EPHA6: variants seen among roughly 807,000 people sequenced by gnomAD.
The protein encoded by EPHA6 is EPH receptor A6.
In EPHA6, 50 loss-of-function variants were observed where a neutral mutation model predicts 112.0. The observed-to-expected ratio is 0.45, with a 90% CI of 0.36 to 0.56. EPHA6 has a LOEUF of 0.56. Among genes scored for constraint, EPHA6 ranks in the 20% least tolerant of loss-of-function variants. EPHA6 has a pLI of 0.00. For missense variants in EPHA6, 1,280 were observed against 1,417.4 expected, an observed-to-expected ratio of 0.90 and a Z score of 1.56; for synonymous variants, 529 against 490.7, an observed-to-expected ratio of 1.08 and a Z score of -1.03.
chr3:97,548,342 G>T (rs2092985726), intron 11 of EPHA6, among the ~76,000 whole-genome samples: 1 of 152,178 alleles, frequency 6.6e-6, no homozygotes, highest in Non-Finnish European at 1.5e-5. Context: ...TATTCGTGAG[G>T]ATGTTAGCAT....
At chr3:97,170,387 T>A (rs765469622) in intron 3 of EPHA6, among the ~76,000 whole-genome samples, 3 of 152,094 alleles carry the variant, frequency 2.0e-5, no homozygotes, top group Admixed American at 1.3e-4. Context: ...TGAGCCATGA[T>A]GAATGTGAAA....
At chr3:96,917,805 C>T (rs372076853) in intron 2 of EPHA6, among the ~76,000 whole-genome samples, 1 of 152,076 alleles carries the variant, frequency 6.6e-6, no homozygotes, top group African/African-American at 2.4e-5. Flanking sequence ...TGACAGCCTC[C>T]CCGGGTGAGA....
At position 97,481,223 on chromosome 3, in the gene EPHA6, A is replaced by G. The variant is rs543465758; in HGVS notation, c.2074+1859A>G. The G allele has an allele frequency of 7.6e-4, 1,006 of 1,320,518 alleles. 4 individuals are homozygous for G. In the African/African-American group the frequency reaches 0.013, roughly 16 times the overall value. 81.8% of individuals were successfully genotyped at this position (1,320,518 alleles called of 1,614,324 possible). A position where few individuals can be genotyped will look rare whatever the true frequency, so the allele number is the denominator to read the frequency against. On this transcript the variant is annotated intron_variant, in intron 9 of 17. Transcript: ENST00000389672. Reference sequence around the variant, plus strand: ...ACTGGAAAAGACAACCTTTTTCTCCATTACTATTTGGACTTTTAGATCACG... The same window carrying G: ...ACTGGAAAAGACAACCTTTTTCTCCGTTACTATTTGGACTTTTAGATCACG...
intron 3 of EPHA6, among the ~76,000 whole-genome samples, chr3:97,090,808 A>G (rs1168732312): frequency 6.6e-6 from 1 of 152,060 alleles, no homozygotes; most frequent in East Asian, 1.9e-4. Flanking sequence ...ATTTCTAGAA[A>G]CTTAGAGAGT....
At chr3:97,512,824 G>A (rs937161970) in intron 10 of EPHA6, among the ~76,000 whole-genome samples, 2 of 152,100 alleles carry the variant, frequency 1.3e-5, no homozygotes, top group Admixed American at 6.6e-5. Context: ...CTCGGCCTCC[G>A]AAAGTGCTGG....
intron 1 of EPHA6, among the ~76,000 whole-genome samples, chr3:96,840,729 T>G (rs2107321175): frequency 6.6e-6 from 1 of 152,090 alleles, no homozygotes; most frequent in Admixed American, 6.6e-5. Context: ...TACCGGCCGG[T>G]GTCTTGAGGT....
At chr3:97,073,962 TA>T (rs764307336) in intron 3 of EPHA6, among the ~76,000 whole-genome samples, 16 of 152,210 alleles carry the variant, frequency 1.1e-4, no homozygotes, top group East Asian at 5.8e-4. Flanking sequence ...ATTGGCCATT[TA>T]TTTTTTTAAT....
At chr3:96,836,901 C>T (rs2034448802) in intron 1 of EPHA6, among the ~76,000 whole-genome samples, 1 of 152,164 alleles carries the variant, frequency 6.6e-6, no homozygotes, top group South Asian at 2.1e-4. Flanking sequence ...ACTTAATCCT[C>T]CTTTCACCCC....
At chr3:97,255,646 A>G (rs2079287125) in intron 5 of EPHA6, among the ~76,000 whole-genome samples, 1 of 152,186 alleles carries the variant, frequency 6.6e-6, no homozygotes, top group Non-Finnish European at 1.5e-5. Flanking sequence ...AAAACATACA[A>G]CACATTTTGA....
Position 97,477,250 on chromosome 3 carries a change from C to A in EPHA6, c.2003+1790C>A, listed in dbSNP as rs909706457. ...AACACTGCAGCTTATCAAACATGGC[C>A]TACAAAAACTTGAATCACTAGCCAG... On this transcript the variant is annotated intron_variant, in intron 8 of 17. Coordinates refer to ENST00000389672, the MANE Select transcript of EPHA6 (RefSeq NM_001080448.3). Among the ~76,000 whole-genome samples, 9 of 152,002 alleles carry A rather than the reference C, an allele frequency of 5.9e-5. 1 individual carries two copies. Among genetic ancestry groups the A allele is most frequent in the African/African-American group, 2.2e-4 (9 of 41,394 alleles).
At chr3:96,958,519 T>C (rs1158349475) in intron 2 of EPHA6, among the ~76,000 whole-genome samples, 1 of 152,194 alleles carries the variant, frequency 6.6e-6, no homozygotes, top group African/African-American at 2.4e-5. Context: ...TAATATTGAT[T>C]ACAATAATAG....
chr3:97,128,329 C>T (rs1359384849), intron 3 of EPHA6, among the ~76,000 whole-genome samples: 1 of 152,284 alleles, frequency 6.6e-6, no homozygotes, highest in African/African-American at 2.4e-5. Flanking sequence ...ATGCCAGTGT[C>T]TTTTTGACAT....
At chr3:97,453,974 C>G (rs2090602650) in intron 7 of EPHA6, among the ~76,000 whole-genome samples, 1 of 151,712 alleles carries the variant, frequency 6.6e-6, no homozygotes, top group Non-Finnish European at 1.5e-5. Context: ...TAGGTCCCCT[C>G]TAAATGTAAT....
intron 3 of EPHA6, among the ~76,000 whole-genome samples, chr3:97,223,690 G>C (rs2078269551): frequency 1.3e-5 from 2 of 152,156 alleles, no homozygotes; most frequent in Admixed American, 1.3e-4. Flanking sequence ...GTTTTAAGGA[G>C]ATCATCAGCT....
chr3:97,483,842 T>A, intron 9 of EPHA6, 92 bp from the exon 10 acceptor site: 1 of 1,276,908 alleles, frequency 7.8e-7, no homozygotes, highest in Middle Eastern at 2.6e-4. Context: ...GACTGACTAC[T>A]TCAGTATGTC....
At chr3:97,240,142 T>G (rs1467611938) in intron 4 of EPHA6, among the ~76,000 whole-genome samples, 1 of 151,686 alleles carries the variant, frequency 6.6e-6, no homozygotes, top group African/African-American at 2.4e-5. Context: ...GAGAAAGAAG[T>G]GATTTAGAGA....
intron 3 of EPHA6, among the ~76,000 whole-genome samples, chr3:97,135,957 AT>A (rs1296157599): frequency 2.6e-5 from 4 of 152,164 alleles, no homozygotes; most frequent in Non-Finnish European, 5.9e-5. Context: ...ATTGAAGCCA[AT>A]ATCCATGCTG....
At chr3:97,239,191 G>C (rs529864388) in intron 4 of EPHA6, among the ~76,000 whole-genome samples, 1 of 151,970 alleles carries the variant, frequency 6.6e-6, no homozygotes, top group Admixed American at 6.6e-5. Context: ...GAAAACTTAA[G>C]TTTCAGTTGC....
chr3:97,430,953 C>T (rs1390580045), intron 6 of EPHA6, among the ~76,000 whole-genome samples: 1 of 151,976 alleles, frequency 6.6e-6, no homozygotes, highest in East Asian at 1.9e-4. Context: ...TTTGCAGTGA[C>T]CTTGTAGAAT....
Sources: allele counts gnomAD v4.1 joint callset (sites outside exome capture counted in the v4.1 genomes callset), GRCh38; gene constraint gnomAD v4.1.1; transcripts MANE v1.5; gene names NCBI Gene and HGNC (gene_info 2026-07-23, HGNC 2026-07-21).